The following UNC5A variants were observed in gnomAD, a reference collection of about 807,000 sequenced individuals.
UNC5A encodes netrin receptor UNC5A.
In UNC5A, 20 loss-of-function variants were observed where a neutral mutation model predicts 87.4. That is an observed-to-expected ratio of 0.23 (90% CI 0.16 to 0.33). The LOEUF (loss-of-function observed/expected upper bound fraction) is 0.33, where lower values mean the gene tolerates loss of function less well. UNC5A is among the 10% of genes least tolerant of loss of function. UNC5A has a pLI of 1.00. For missense variants in UNC5A, 844 were observed against 1,133.4 expected (o/e 0.74, Z 3.67); for synonymous variants, 438 against 482.3 (o/e 0.91, Z 1.20).
chr5:176,858,768 A>AAGGAAGGAAGGAAGGAAGGC lies in UNC5A; in HGVS notation c.71-3849_71-3848insAAGGAAGGAAGGCAGGAAGG, dbSNP rs765510036. ...GAAGGAAGGAAGGAAGGAAGGAAGG[A>AAGGAAGGAAGGAAGGAAGGC]AGGAAGGCAAGCAAGCAGGCAGGGA... On this transcript the variant is annotated intron_variant, in intron 1 of 14. Transcript: ENST00000329542. Among the ~76,000 whole-genome samples, 236 of 135,776 alleles carry AAGGAAGGAAGGAAGGAAGGC rather than the reference A, an allele frequency of 1.7e-3. 1 individual carries two copies. The highest frequency in any genetic ancestry group is 3.8e-3 in the Middle Eastern group (1 of 266). 89.1% of individuals were successfully genotyped at this position (135,776 alleles called of 152,430 possible). A position where few individuals can be genotyped will look rare whatever the true frequency, so the allele number is the denominator to read the frequency against.
At position 176,841,964 on chromosome 5, in the gene UNC5A, G is replaced by A. The variant is rs180786141; in HGVS notation, c.71-20660G>A. ...GGTAATCCCAGCACTTTGGGAGGCCGAGGTGGGCGGATCACGAGGTCAGGA... is the reference window on the plus strand; with the variant it reads ...GGTAATCCCAGCACTTTGGGAGGCCAAGGTGGGCGGATCACGAGGTCAGGA... On this transcript the variant is annotated intron_variant, in intron 1 of 14. Transcript: ENST00000329542. The surrounding 1 kb of genome is among the most constrained non-coding windows in gnomAD (Gnocchi z 4.1). Among the ~76,000 whole-genome samples, 3 of 152,346 alleles carry A rather than the reference G, an allele frequency of 2.0e-5. No homozygotes were observed. Among genetic ancestry groups the A allele is most frequent in the African/African-American group, 4.8e-5 (2 of 41,578 alleles).
chr5:176,877,550 CT>C lies in UNC5A; in HGVS notation c.1483del (p.Cys495ValfsTer5). ...CCCACTTGAGGTTGCCCCTAGCTGG[CT>C]GTCAGACCCTGCTGAGTCCCATCGT... The part of the protein sequence containing the change: ...PEDVRLPLAG[C>X]QTLLSPIVSC... On this transcript the variant is annotated frameshift_variant, in exon 10 of 15. Transcript: ENST00000329542. LOFTEE classifies it high-confidence loss of function. The C allele has an allele frequency of 1.3e-6, 2 of 1,595,794 alleles. No individual in the cohort carries two copies. Among genetic ancestry groups the C allele is most frequent in the Non-Finnish European group, 1.7e-6 (2 of 1,169,740 alleles).
intron 1 of UNC5A, among the ~76,000 whole-genome samples, chr5:176,826,210 C>T (rs1468333148): frequency 2.6e-5 from 4 of 152,224 alleles, no homozygotes; most frequent in Non-Finnish European, 5.9e-5. Context: ...GGGGGCCTGG[C>T]TCCCAGACCT....
chr5:176,839,620 T>G (rs1014799816), intron 1 of UNC5A, among the ~76,000 whole-genome samples: 1 of 152,184 alleles, frequency 6.6e-6, no homozygotes, highest in South Asian at 2.1e-4. Context: ...GTAAGATCCT[T>G]GCCCCTGAAA....
chr5:176,830,932 G>A (rs1386100238), intron 1 of UNC5A, among the ~76,000 whole-genome samples: 1 of 148,970 alleles, frequency 6.7e-6, no homozygotes, highest in African/African-American at 2.5e-5. Flanking sequence ...GTGGGTGTGT[G>A]TGTGCTGGCC....
intron 1 of UNC5A, among the ~76,000 whole-genome samples, chr5:176,825,583 G>A (rs1037418265): frequency 6.6e-6 from 1 of 152,168 alleles, no homozygotes; most frequent in Non-Finnish European, 1.5e-5. Flanking sequence ...GTTTCAGGGA[G>A]AAACTTGGGA....
At chr5:176,847,621 A>T (rs898742640) in intron 1 of UNC5A, among the ~76,000 whole-genome samples, 1 of 152,142 alleles carries the variant, frequency 6.6e-6, no homozygotes, top group African/African-American at 2.4e-5. Flanking sequence ...AGCTGCAGCG[A>T]TAACAGCAGT....
At chr5:176,816,880 G>A (rs1464217777) in intron 1 of UNC5A, among the ~76,000 whole-genome samples, 1 of 152,248 alleles carries the variant, frequency 6.6e-6, no homozygotes, top group East Asian at 1.9e-4. Flanking sequence ...AGCCAGGAGG[G>A]AGGGAAAAGG....
chr5:176,817,102 G>C (rs938720257), intron 1 of UNC5A, among the ~76,000 whole-genome samples: 3 of 152,228 alleles, frequency 2.0e-5, no homozygotes, highest in Non-Finnish European at 4.4e-5. Flanking sequence ...TTTTGATGGG[G>C]GAGGGGCCAT....
chr5:176,833,025 G>A (rs546036298), intron 1 of UNC5A, among the ~76,000 whole-genome samples: 2 of 152,334 alleles, frequency 1.3e-5, no homozygotes, highest in South Asian at 2.1e-4. Flanking sequence ...ACACAGGACT[G>A]GCACGTGTGG....
chr5:176,859,888 T>C (rs1204128112), intron 1 of UNC5A, among the ~76,000 whole-genome samples: 3 of 152,226 alleles, frequency 2.0e-5, no homozygotes, highest in Non-Finnish European at 2.9e-5. Flanking sequence ...ACCGGATAAA[T>C]GCCCCCCGGG....
At position 176,879,906 on chromosome 5, in the gene UNC5A, C is replaced by G. The variant is rs775882588; in HGVS notation, c.*20C>G. ...TGCTGAGGCCGGCCAGGCCCGACAC[C>G]TACACTCTCACCAGCTTTGGCACCC... On this transcript the variant is annotated 3_prime_UTR_variant, in exon 15 of 15. Coordinates refer to ENST00000329542, the MANE Select transcript of UNC5A (RefSeq NM_133369.3). 6.2e-7 allele frequency: 1 copy of G among 1,603,908 alleles called. No individual in the cohort carries two copies. The highest frequency in any genetic ancestry group is 8.5e-7 in the Non-Finnish European group (1 of 1,176,228).
In UNC5A at chr5:176,825,318, G is replaced by C. The variant is rs547952815; in HGVS notation, c.70+14498G>C. On this transcript the variant is annotated intron_variant, in intron 1 of 14. Coordinates refer to ENST00000329542, the MANE Select transcript of UNC5A (RefSeq NM_133369.3). ...GGGGGCCCGGGAGAGAGCAGTAGGG[G>C]CCCAGGAGTGTGTGTAAGGTTTTGA... Among the ~76,000 whole-genome samples the C allele has an allele frequency of 2.6e-4, 39 of 152,274 alleles. No individual in the cohort carries two copies. The East Asian group carries it at 5.2e-3, about 20-fold the overall frequency.
In UNC5A at chr5:176,825,850, CATTT is replaced by C. The variant is rs567256393; in HGVS notation, c.70+15034_70+15037del. Among the ~76,000 whole-genome samples, 690 of 152,346 alleles carry C rather than the reference CATTT, an allele frequency of 4.5e-3. 3 individuals are homozygous for C. The highest frequency in any genetic ancestry group is 8.5e-3 in the South Asian group (41 of 4,826). ...AATGGCACCTGAGCCATTAAATAAA[CATTT>C]ATTGAGCACCTGCTGGCGCCAGGCC... is the stretch of plus-strand genomic sequence containing the variant. On this transcript the variant is annotated intron_variant, in intron 1 of 14. Coordinates refer to ENST00000329542, the MANE Select transcript of UNC5A (RefSeq NM_133369.3).
intron 1 of UNC5A, among the ~76,000 whole-genome samples, chr5:176,826,459 G>A (rs1756855433): frequency 6.6e-6 from 1 of 152,180 alleles, no homozygotes. Flanking sequence ...TCCAACCGAT[G>A]AAGTTGGACT....
At chr5:176,855,728 G>A (rs1325063496) in intron 1 of UNC5A, among the ~76,000 whole-genome samples, 1 of 152,236 alleles carries the variant, frequency 6.6e-6, no homozygotes, top group African/African-American at 2.4e-5. Context: ...AGCACCTGTA[G>A]AGCGGGGAAC....
In UNC5A at chr5:176,814,926, C is replaced by T. The variant is rs994358283; in HGVS notation, c.70+4106C>T. Among the ~76,000 whole-genome samples the T allele has an allele frequency of 3.9e-5, 6 of 152,316 alleles. No homozygotes were observed. In the East Asian group the frequency reaches 1.2e-3, roughly 29 times the overall value. On this transcript the variant is annotated intron_variant, in intron 1 of 14. Coordinates refer to ENST00000329542, the MANE Select transcript of UNC5A (RefSeq NM_133369.3). ...ACCATCCCATCCCTGTCCCTGAACA[C>T]GGACTGCCATGCTCCAGGGAAGCTG...
intron 1 of UNC5A, among the ~76,000 whole-genome samples, chr5:176,857,534 C>T (rs573106499): frequency 1.6e-4 from 25 of 152,162 alleles, no homozygotes; most frequent in African/African-American, 4.1e-4. Context: ...CACACACATG[C>T]GCACACACAC....
rs1758240079 is a variant in UNC5A at position 176,875,467 on chromosome 5, G to T, written c.1378+901G>T. On this transcript the variant is annotated intron_variant, in intron 8 of 14. Transcript: ENST00000329542. The surrounding 1 kb of genome is among the most constrained non-coding windows in gnomAD (Gnocchi z 5.2). ...CTTGACCTGCTGCTCGTCCTCTCTT[G>T]CCCCCCGCCAGCTTCAGTCCCACGC... is the stretch of plus-strand genomic sequence containing the variant. Among the ~76,000 whole-genome samples the T allele has an allele frequency of 6.6e-6, 1 of 151,556 alleles. No homozygotes were observed. The highest frequency in any genetic ancestry group is 1.5e-5 in the Non-Finnish European group (1 of 67,916).
Sources: gnomAD v4.1 joint callset for allele counts (sites outside exome capture counted in the v4.1 genomes callset) on GRCh38, gnomAD v4.1.1 for gene constraint, Gnocchi (gnomAD v3.1) non-coding constraint, MANE v1.5 for transcripts, NCBI Gene and HGNC (gene_info 2026-07-23, HGNC 2026-07-21) for gene names.